Variants in THEMIS observed in about 807,000 individuals in gnomAD.
The protein encoded by THEMIS is thymocyte selection associated, also known as protein THEMIS.
In THEMIS, 37 loss-of-function variants were observed where a neutral mutation model predicts 52.6. The ratio of observed to expected loss-of-function variants is 0.70; its 90% CI spans 0.54 to 0.93. THEMIS has a LOEUF of 0.93. THEMIS is among the 40% of genes least tolerant of loss of function. THEMIS has a pLI of 0.00. For synonymous variants in THEMIS, 292 were observed against 272.7 expected (o/e 1.07, Z -0.70); for missense variants, 808 against 763.1 (o/e 1.06, Z -0.69).
At chr6:127,897,718 C>T (rs1583407985) in intron 1 of THEMIS, among the ~76,000 whole-genome samples, 1 of 151,400 alleles carries the variant, frequency 6.6e-6, no homozygotes, top group African/African-American at 2.4e-5. Context: ...ACTTAAGAAA[C>T]TTGCTTTTCA....
At chr6:127,696,912 T>C in the THEMIS span, among the ~76,000 whole-genome samples, 1 of 152,096 alleles carries the variant, frequency 6.6e-6, no homozygotes, top group Non-Finnish European at 1.5e-5. Flanking sequence ...CTATCCCAAA[T>C]ACAGTCACAT....
intron 1 of THEMIS, among the ~76,000 whole-genome samples, chr6:127,861,840 A>T (rs1273273940): frequency 6.6e-6 from 1 of 151,676 alleles, no homozygotes; most frequent in Non-Finnish European, 1.5e-5. Flanking sequence ...AAAGAAAGAA[A>T]GGAAATTGAG....
chr6:127,781,566 G>A (rs557948799), intron 4 of THEMIS, among the ~76,000 whole-genome samples: 1 of 152,190 alleles, frequency 6.6e-6, no homozygotes, highest in Admixed American at 6.5e-5. Flanking sequence ...ACCTTTGGAT[G>A]GGGTTTCTGT....
At chr6:127,762,047 A>G (rs540205025) in intron 4 of THEMIS, among the ~76,000 whole-genome samples, 1 of 152,294 alleles carries the variant, frequency 6.6e-6, no homozygotes, top group East Asian at 1.9e-4. Flanking sequence ...TGTACGCTAT[A>G]CATACAAGGG....
intron 3 of THEMIS, among the ~76,000 whole-genome samples, chr6:127,828,150 T>G (rs942396094): frequency 6.6e-6 from 1 of 152,226 alleles, no homozygotes; most frequent in African/African-American, 2.4e-5. Flanking sequence ...TTATTAAATG[T>G]TGTAACCACT....
At chr6:127,702,385 C>A in the THEMIS span, among the ~76,000 whole-genome samples, 1 of 152,030 alleles carries the variant, frequency 6.6e-6, no homozygotes, top group African/African-American at 2.4e-5. Context: ...ATTTGTTATT[C>A]CTGGAAAGGT....
intron 4 of THEMIS, among the ~76,000 whole-genome samples, chr6:127,760,186 T>G (rs1270846188): frequency 6.6e-6 from 1 of 152,044 alleles, no homozygotes; most frequent in Non-Finnish European, 1.5e-5. Flanking sequence ...CAAAGATACG[T>G]TGACCATATA....
chr6:127,780,572 T>A (rs1776709300), intron 4 of THEMIS, among the ~76,000 whole-genome samples: 1 of 152,174 alleles, frequency 6.6e-6, no homozygotes, highest in Non-Finnish European at 1.5e-5. Flanking sequence ...CCTTCAGGAA[T>A]TCTTGTAAGG....
chr6:127,780,629 G>A (rs1445042136), intron 4 of THEMIS, among the ~76,000 whole-genome samples: 4 of 152,130 alleles, frequency 2.6e-5, no homozygotes, highest in Non-Finnish European at 4.4e-5. Context: ...TGTCTGTAAA[G>A]GATTTTATTT....
chr6:127,786,413 T>TAA (rs1402739889), intron 4 of THEMIS, among the ~76,000 whole-genome samples: 1 of 151,932 alleles, frequency 6.6e-6, no homozygotes, highest in Non-Finnish European at 1.5e-5. Flanking sequence ...TTCAGAAAAA[T>TAA]AAAAAGTGAG....
the THEMIS span, among the ~76,000 whole-genome samples, chr6:127,701,927 C>A: frequency 6.6e-6 from 1 of 152,078 alleles, no homozygotes; most frequent in Non-Finnish European, 1.5e-5. Flanking sequence ...GGCTTTTATA[C>A]CTTCTGGATA....
At chr6:127,884,623 T>C (rs1440217259) in intron 1 of THEMIS, among the ~76,000 whole-genome samples, 1 of 152,188 alleles carries the variant, frequency 6.6e-6, no homozygotes, top group African/African-American at 2.4e-5. Context: ...CTTGCTGTTA[T>C]CTCTTTCTCA....
intron 2 of THEMIS, among the ~76,000 whole-genome samples, chr6:127,838,461 A>T (rs1391158201): frequency 6.6e-6 from 1 of 152,026 alleles, no homozygotes; most frequent in East Asian, 1.9e-4. Flanking sequence ...AGTGACATTT[A>T]GTCTTTTAAA....
At chr6:127,774,140 A>G (rs1353801955) in intron 4 of THEMIS, among the ~76,000 whole-genome samples, 1 of 152,248 alleles carries the variant, frequency 6.6e-6, no homozygotes, top group Non-Finnish European at 1.5e-5. Flanking sequence ...ACATTTTTAC[A>G]TGGCAGCGTG....
At chr6:127,908,081 G>A (rs1317971477) in intron 1 of THEMIS, among the ~76,000 whole-genome samples, 2 of 152,092 alleles carry the variant, frequency 1.3e-5, no homozygotes, top group Non-Finnish European at 2.9e-5. Context: ...TTTCAAAGAA[G>A]CTCCTGCCTC....
intron 4 of THEMIS, among the ~76,000 whole-genome samples, chr6:127,808,502 C>T (rs1296157530): frequency 2.0e-5 from 3 of 152,146 alleles, no homozygotes; most frequent in Non-Finnish European, 2.9e-5. Flanking sequence ...TGCACAGATC[C>T]TAAAGACATT....
intron 4 of THEMIS, among the ~76,000 whole-genome samples, chr6:127,721,272 T>G (rs1386048885): frequency 1.3e-5 from 2 of 152,030 alleles, no homozygotes; most frequent in Non-Finnish European, 2.9e-5. Context: ...CTTCATGAAC[T>G]AAATGAATGT....
chr6:127,816,685 G>A (rs1778147289), intron 3 of THEMIS, among the ~76,000 whole-genome samples: 1 of 152,088 alleles, frequency 6.6e-6, no homozygotes, highest in African/African-American at 2.4e-5. Flanking sequence ...TCTCAATAGG[G>A]AAAGCAAATA....
chr6:127,754,665 T>G (rs1402453026), intron 4 of THEMIS, among the ~76,000 whole-genome samples: 1 of 152,124 alleles, frequency 6.6e-6, no homozygotes, highest in Non-Finnish European at 1.5e-5. Context: ...TGTTAGGGAA[T>G]TGCCTTAAAT....
Sources: gnomAD v4.1 joint callset for allele counts (sites outside exome capture counted in the v4.1 genomes callset) on GRCh38, gnomAD v4.1.1 for gene constraint, MANE v1.5 for transcripts, NCBI Gene and HGNC (gene_info 2026-07-23, HGNC 2026-07-21) for gene names.